MED25: variants seen among roughly 807,000 people sequenced by gnomAD.
MED25 encodes the protein mediator of RNA polymerase II transcription subunit 25.
In MED25, 62 loss-of-function variants were observed where a neutral mutation model predicts 89.4. The ratio of observed to expected loss-of-function variants is 0.69; its 90% CI spans 0.57 to 0.86. MED25 has a LOEUF of 0.86. Ranked by LOEUF, MED25 falls within the 40% of genes least tolerant of loss-of-function variation. The pLI is 0.00. For missense variants in MED25, 905 were observed against 1,005.2 expected (o/e 0.90, Z 1.35); for synonymous variants, 449 against 427.9 (o/e 1.05, Z -0.61).
chr19:49,830,165 ACT>A lies in MED25; in HGVS notation c.772_773del (p.Ala259SerfsTer139). 1 of 1,594,316 alleles carries A rather than the reference ACT, an allele frequency of 6.3e-7. No individual in the cohort carries two copies. The highest frequency in any genetic ancestry group is 8.6e-7 in the Non-Finnish European group (1 of 1,165,032). ...GCCTCCCGCCGCACCCTCAGGTGCC[ACT>A]CTCTCAGCAGCCCCCCAGCAGCCTC... is the stretch of plus-strand genomic sequence containing the variant. Reference protein sequence around the residue: ...PLPPAAPSGATLSAAPQQPLP... With the variant: ...PLPPAAPSGAXLSAAPQQPLP... On this transcript the variant is annotated frameshift_variant, in exon 7 of 18. Coordinates refer to ENST00000312865, the MANE Select transcript of MED25 (RefSeq NM_030973.4). LOFTEE classifies it high-confidence loss of function. This position sits in a 1 kb window ranked among gnomAD's most constrained non-coding sequence, Gnocchi z 4.6.
rs1358592821 is a variant in MED25, at chr19:49,829,491, C to G, written c.526-295C>G. Among the ~76,000 whole-genome samples the G allele has an allele frequency of 6.6e-6, 1 of 152,186 alleles. No individual in the cohort carries two copies. Among genetic ancestry groups the G allele is most frequent in the Non-Finnish European group, 1.5e-5 (1 of 68,030 alleles). On this transcript the variant is annotated intron_variant, in intron 5 of 17. Coordinates refer to ENST00000312865, the MANE Select transcript of MED25 (RefSeq NM_030973.4). The surrounding 1 kb of genome is among the most constrained non-coding windows in gnomAD (Gnocchi z 4.6). ...ATGAGGTTTCACCATGTTGGCCAGA[C>G]TGCTCTCAAACTCCTGGCCTCATGT... is the stretch of plus-strand genomic sequence containing the variant.
intron 12 of MED25, 40 bp from the exon 13 acceptor site, chr19:49,832,268 C>A (rs1365057476): frequency 2.0e-6 from 3 of 1,533,632 alleles, no homozygotes; most frequent in Non-Finnish European, 2.7e-6. Flanking sequence ...GCCTCACTTG[C>A]CCACACCAGC....
chr19:49,820,651 A>G (rs186150043), intron 3 of MED25, among the ~76,000 whole-genome samples: 150 of 152,362 alleles, frequency 9.8e-4, no homozygotes, highest in African/African-American at 3.5e-3. Context: ...AGATAGTATT[A>G]TCAAGACTTT....
rs566672456 is a variant in MED25 at position 49,821,435 on chromosome 19, G to A, written c.305+2139G>A. Among the ~76,000 whole-genome samples, 7 of 152,270 alleles carry A rather than the reference G, an allele frequency of 4.6e-5. 1 individual carries two copies. In the South Asian group the frequency reaches 1.4e-3, roughly 32 times the overall value. ...CCCGAGTAGCTGGAGTAGCAGGGACGGTAGCCAAATGCCAGCACACCTGGC... is the reference window on the plus strand; with the variant it reads ...CCCGAGTAGCTGGAGTAGCAGGGACAGTAGCCAAATGCCAGCACACCTGGC... On this transcript the variant is annotated intron_variant, in intron 3 of 17. Coordinates refer to ENST00000312865, the MANE Select transcript of MED25 (RefSeq NM_030973.4).
chr19:49,830,466 C>A lies in MED25; in HGVS notation c.820-45C>A. 1 of 1,577,058 alleles carries A rather than the reference C, an allele frequency of 6.3e-7. No homozygotes were observed. The highest frequency in any genetic ancestry group is 8.7e-7 in the Non-Finnish European group (1 of 1,147,066). On this transcript the variant is annotated intron_variant, in intron 7 of 17. Coordinates refer to ENST00000312865, the MANE Select transcript of MED25 (RefSeq NM_030973.4). The surrounding 1 kb of genome is among the most constrained non-coding windows in gnomAD (Gnocchi z 4.6). The stretch of plus-strand genomic sequence containing the variant: ...CTCGTGGGATACCAGGACTGGGGGG[C>A]CATGGTCCTCACCAGTCCCTTCCCT...
chr19:49,830,836 G>T lies in MED25; in HGVS notation c.1050G>T (p.Val350=). 1 of 1,613,032 alleles carries T rather than the reference G, an allele frequency of 6.2e-7. No individual in the cohort carries two copies. The highest frequency in any genetic ancestry group is 8.5e-7 in the Non-Finnish European group (1 of 1,179,890). The change falls in exon 9 of 18, where the codon GTG becomes GTT. Residue 350 remains valine, a synonymous_variant. Transcript: ENST00000312865. The surrounding 1 kb of genome is among the most constrained non-coding windows in gnomAD (Gnocchi z 4.6). ...PASQPSLVST[V]APGSGLAPTA... Reference sequence around the variant, plus strand: ...CCCAGCCCAGTCTGGTCTCCACTGTGGCCCCTGGCTCCGGCCTGGCTCCCA... The same window carrying T: ...CCCAGCCCAGTCTGGTCTCCACTGTTGCCCCTGGCTCCGGCCTGGCTCCCA...
In MED25 at chr19:49,818,353, G is replaced by A. The variant is rs751963415; in HGVS notation, c.12G>A (p.Gly4=). ...GTACCGCACGGGGTATGGTCCCCGG[G>A]TCCGAGGGCCCGGCCCGCGCCGGGA... MVP[G]SEGPARAGSV... is the part of the protein sequence containing the mutation. Residue 4 remains glycine (G), a synonymous_variant, in exon 1 of 18, where the codon GGG becomes GGA. Coordinates refer to ENST00000312865, the MANE Select transcript of MED25 (RefSeq NM_030973.4). 1 of 1,597,038 alleles carries A rather than the reference G, an allele frequency of 6.3e-7. No homozygotes were observed. The highest frequency in any genetic ancestry group is 8.5e-7 in the Non-Finnish European group (1 of 1,171,618).
In MED25 at chr19:49,830,459, T is replaced by TG; in HGVS notation, c.820-46dup. ...GTGTGACCTCGTGGGATACCAGGAC[T>TG]GGGGGGCCATGGTCCTCACCAGTCC... On this transcript the variant is annotated intron_variant, in intron 7 of 17. Coordinates refer to ENST00000312865, the MANE Select transcript of MED25 (RefSeq NM_030973.4). The surrounding 1 kb of genome is among the most constrained non-coding windows in gnomAD (Gnocchi z 4.6). 1 of 1,577,492 alleles carries TG rather than the reference T, an allele frequency of 6.3e-7. No homozygotes were observed. The highest frequency in any genetic ancestry group is 8.7e-7 in the Non-Finnish European group (1 of 1,147,784).
chr19:49,836,299 C>T lies in MED25; in HGVS notation c.2039C>T (p.Pro680Leu). The change falls in exon 17 of 18, where the codon CCT becomes CTT. Residue 680 changes from proline to leucine, a missense_variant. By Grantham distance (98) the Pro-to-Leu change is moderately conservative. Coordinates refer to ENST00000312865, the MANE Select transcript of MED25 (RefSeq NM_030973.4). This position sits in a 1 kb window ranked among gnomAD's most constrained non-coding sequence, Gnocchi z 5.1. Reference sequence around the variant, plus strand: ...CCACCAGGGGCTCCTGCGCTGCTGCCTCCGCCGCACCAGGGCCTGGGGCAG... The same window carrying T: ...CCACCAGGGGCTCCTGCGCTGCTGCTTCCGCCGCACCAGGGCCTGGGGCAG... ...LQPPGAPALL[P>L]PPHQGLGQPQ... is the part of the protein sequence containing the mutation. 1 of 1,611,716 alleles carries T rather than the reference C, an allele frequency of 6.2e-7. No homozygotes were observed. Among genetic ancestry groups the T allele is most frequent in the Middle Eastern group, 1.7e-4 (1 of 6,054 alleles).
chr19:49,839,395 G>C (rs541930742), downstream of MED25: 7 of 159,494 alleles, frequency 4.4e-5, no homozygotes, highest in South Asian at 1.2e-3. Flanking sequence ...GACTTGTTCT[G>C]AGCAACTGAA....
At position 49,828,571 on chromosome 19, in the gene MED25, C is replaced by T. The variant is rs367556461; in HGVS notation, c.404+24C>T. On this transcript the variant is annotated intron_variant, in intron 4 of 17. Coordinates refer to ENST00000312865, the MANE Select transcript of MED25 (RefSeq NM_030973.4). ...ATGTGAGTGCCCCCTCCACCCAGGC[C>T]GGGCCGGTCTCTCTCTGCCTGGCCT... The T allele has an allele frequency of 3.4e-5, 54 of 1,579,590 alleles. 1 individual carries two copies. The highest frequency in any genetic ancestry group is 5.4e-5 in the African/African-American group (4 of 74,150).
chr19:49,832,260 C>T (rs1459607795), intron 12 of MED25, 48 bp from the exon 13 acceptor site: 2 of 1,528,860 alleles, frequency 1.3e-6, no homozygotes. Flanking sequence ...ATGTCCCCGC[C>T]TCACTTGCCC....
chr19:49,831,289 C>T lies in MED25; in HGVS notation c.1102-44C>T, dbSNP rs187153875. On this transcript the variant is annotated intron_variant, in intron 9 of 17. Coordinates refer to ENST00000312865, the MANE Select transcript of MED25 (RefSeq NM_030973.4). This position sits in a 1 kb window ranked among gnomAD's most constrained non-coding sequence, Gnocchi z 5.0. ...TCACAGGATGGCCCCCGGAGGCTCC[C>T]GGCCTTCCCCATTCTCATGGCCCTC... 1.4e-5 allele frequency: 22 copies of T among 1,595,022 alleles called. No individual in the cohort carries two copies. Among genetic ancestry groups the T allele is most frequent in the South Asian group, 4.5e-5 (4 of 88,324 alleles).
Position 49,829,636 on chromosome 19 carries a change from G to A in MED25, c.526-150G>A. 1.2e-6 allele frequency: 1 copy of A among 815,708 alleles called. No homozygotes were observed. The highest frequency in any genetic ancestry group is 2.7e-5 in the East Asian group (1 of 37,020). The allele number at this position is 815,708 out of a possible 1,614,324, so 50.5% of individuals were successfully genotyped here. On this transcript the variant is annotated intron_variant, in intron 5 of 17. Transcript: ENST00000312865. This position sits in a 1 kb window ranked among gnomAD's most constrained non-coding sequence, Gnocchi z 4.6. ...AGTCTCCCGGGGCAGGTGATACCTGGTTTCAGGGTCTCCTGCCTCAAAGCC... is the reference window on the plus strand; with the variant it reads ...AGTCTCCCGGGGCAGGTGATACCTGATTTCAGGGTCTCCTGCCTCAAAGCC...
At chr19:49,827,551 T>G (rs932361641) in intron 3 of MED25, among the ~76,000 whole-genome samples, 1 of 152,154 alleles carries the variant, frequency 6.6e-6, no homozygotes, top group African/African-American at 2.4e-5. Flanking sequence ...GTGTCTTCCC[T>G]CTGTGTGTGT....
chr19:49,835,206 C>T lies in MED25; in HGVS notation c.1674+29C>T, dbSNP rs746504088. On this transcript the variant is annotated intron_variant, in intron 14 of 17. Coordinates refer to ENST00000312865, the MANE Select transcript of MED25 (RefSeq NM_030973.4). This position sits in a 1 kb window ranked among gnomAD's most constrained non-coding sequence, Gnocchi z 6.2. ...AGTGTTGACAGTCCCCAAACCAGCACTCCGACCCCCTCCTGCCCGGGCCCC... is the reference window on the plus strand; with the variant it reads ...AGTGTTGACAGTCCCCAAACCAGCATTCCGACCCCCTCCTGCCCGGGCCCC... The T allele has an allele frequency of 3.7e-6, 6 of 1,612,070 alleles. No individual in the cohort carries two copies. Among genetic ancestry groups the T allele is most frequent in the East Asian group, 2.2e-5 (1 of 44,890 alleles).
chr19:49,830,133 T>C lies in MED25; in HGVS notation c.734T>C (p.Val245Ala), dbSNP rs1437930123. ...GGCCCCCTCCAGTCAAAGCAGCCAG[T>C]CCCCCTGCCTCCCGCCGCACCCTCA... is the stretch of plus-strand genomic sequence containing the variant. ...APGPLQSKQP[V>A]PLPPAAPSGA... The change falls in exon 7 of 18, where the codon GTC becomes GCC. Residue 245 changes from valine to alanine, a missense_variant. Physicochemically the swap from Val to Ala is moderately conservative, Grantham distance 64. Coordinates refer to ENST00000312865, the MANE Select transcript of MED25 (RefSeq NM_030973.4). The surrounding 1 kb of genome is among the most constrained non-coding windows in gnomAD (Gnocchi z 4.6). 1.2e-6 allele frequency: 2 copies of C among 1,602,510 alleles called. No individual in the cohort carries two copies. Among genetic ancestry groups the C allele is most frequent in the Non-Finnish European group, 8.5e-7 (1 of 1,174,124 alleles).
rs975710797 is a variant in MED25 at position 49,835,952 on chromosome 19, T to C, written c.1965+7T>C. 6.2e-7 allele frequency: 1 copy of C among 1,612,312 alleles called. No individual in the cohort carries two copies. Among genetic ancestry groups the C allele is most frequent in the African/African-American group, 1.3e-5 (1 of 74,858 alleles). ...CCTCCTCAACCCACCACCGGTGAGATGTTGGGGTGGGGTAGCGAGAGTTCC... is the reference window on the plus strand; with the variant it reads ...CCTCCTCAACCCACCACCGGTGAGACGTTGGGGTGGGGTAGCGAGAGTTCC... On this transcript the variant is annotated splice_region_variant and intron_variant, in intron 16 of 17. Transcript: ENST00000312865. This position sits in a 1 kb window ranked among gnomAD's most constrained non-coding sequence, Gnocchi z 6.2.
chr19:49,818,798 G>C (rs1253422251), intron 2 of MED25, 182 bp downstream of exon 2: 2 of 663,364 alleles, frequency 3.0e-6, no homozygotes, highest in Non-Finnish European at 5.1e-6. Context: ...TCTGAGGGTG[G>C]AGGCGCTGGG....
Sources: allele counts gnomAD v4.1 joint callset (sites outside exome capture counted in the v4.1 genomes callset), GRCh38; gene constraint gnomAD v4.1.1; non-coding constraint Gnocchi (gnomAD v3.1); transcripts MANE v1.5; gene names NCBI Gene and HGNC (gene_info 2026-07-23, HGNC 2026-07-21).